The following CALN1 variants were observed in gnomAD, a reference collection of about 807,000 sequenced individuals.
CALN1 encodes the protein calneuron 1.
In CALN1, 17 loss-of-function variants were observed where a neutral mutation model predicts 30.6. That is an observed-to-expected ratio of 0.56 (90% CI 0.38 to 0.83). CALN1 has a LOEUF of 0.83. CALN1 is among the 40% of genes least tolerant of loss of function. The probability of loss-of-function intolerance (pLI) is 0.00; values close to 1 mark genes in which losing one functional copy is unlikely to be tolerated. For missense variants in CALN1, 291 were observed against 354.9 expected, an observed-to-expected ratio of 0.82 and a Z score of 1.45; for synonymous variants, 156 against 131.4, an observed-to-expected ratio of 1.19 and a Z score of -1.28.
At chr7:72,335,350 A>C (rs1227634977) in intron 2 of CALN1, among the ~76,000 whole-genome samples, 1 of 152,202 alleles carries the variant, frequency 6.6e-6, no homozygotes, top group Non-Finnish European at 1.5e-5. Context: ...TCATCAGTTA[A>C]AGAAGCAGAA....
chr7:72,217,353 T>C (rs996692725), intron 3 of CALN1, among the ~76,000 whole-genome samples: 1 of 152,130 alleles, frequency 6.6e-6, no homozygotes, highest in African/African-American at 2.4e-5. Flanking sequence ...CTGGGCATCT[T>C]GCCTCTTGGA....
At chr7:72,102,063 T>C (rs1806708552) in intron 4 of CALN1, among the ~76,000 whole-genome samples, 1 of 152,172 alleles carries the variant, frequency 6.6e-6, no homozygotes, top group Admixed American at 6.5e-5. Flanking sequence ...AGTTTCACTC[T>C]TTGTCACCCA....
At chr7:72,125,643 G>T (rs1477540146) in intron 3 of CALN1, among the ~76,000 whole-genome samples, 1 of 152,002 alleles carries the variant, frequency 6.6e-6, no homozygotes, top group Non-Finnish European at 1.5e-5. Context: ...GGGAACAGGT[G>T]GGTTTTGTTA....
the CALN1 span, among the ~76,000 whole-genome samples, chr7:72,467,835 G>A: frequency 1.3e-5 from 2 of 152,004 alleles, no homozygotes; most frequent in African/African-American, 2.4e-5. Flanking sequence ...ACATTGCATC[G>A]CCACAAAAGG....
At chr7:71,918,486 G>A (rs1794788717) in intron 5 of CALN1, among the ~76,000 whole-genome samples, 1 of 152,188 alleles carries the variant, frequency 6.6e-6, no homozygotes, top group Non-Finnish European at 1.5e-5. Flanking sequence ...TTTAGGAGGT[G>A]GGGTATGTAG....
intron 4 of CALN1, among the ~76,000 whole-genome samples, chr7:72,104,645 G>C (rs1009279302): frequency 6.6e-6 from 1 of 152,064 alleles, no homozygotes; most frequent in Non-Finnish European, 1.5e-5. Context: ...AAAAGCACAG[G>C]TATCTTGGAA....
rs145997789 is a variant in CALN1, at chr7:72,081,417, G to GTGTGTGTGTGTGTGTGTGTGTC, written c.388+24733_388+24734insGACACACACACACACACACACA. Among the ~76,000 whole-genome samples the GTGTGTGTGTGTGTGTGTGTGTC allele has an allele frequency of 3.4e-3, 503 of 146,242 alleles. 1 individual carries two copies. Among genetic ancestry groups the GTGTGTGTGTGTGTGTGTGTGTC allele is most frequent in the African/African-American group, 6.8e-3 (267 of 39,540 alleles). ...ATGCAAAATCATAGGGTGTGTGTGT[G>GTGTGTGTGTGTGTGTGTGTGTC]TGTGTGTTTGTTTTTGGTGTGTGTG... On this transcript the variant is annotated intron_variant, in intron 4 of 6. Transcript: ENST00000395275.
intron 4 of CALN1, among the ~76,000 whole-genome samples, chr7:72,042,155 G>C (rs1186588226): frequency 6.6e-6 from 1 of 152,116 alleles, no homozygotes; most frequent in Non-Finnish European, 1.5e-5. Flanking sequence ...TTATGCATTG[G>C]AGAAATTAAG....
chr7:72,260,106 C>A (rs1796165994), intron 3 of CALN1, among the ~76,000 whole-genome samples: 1 of 152,128 alleles, frequency 6.6e-6, no homozygotes, highest in Admixed American at 6.6e-5. Flanking sequence ...ATGGCACACA[C>A]CTGTAGTTCT....
chr7:72,449,874 CAAAAAAAAAAAAAAAAAA>C (rs71069071), upstream of CALN1, among the ~76,000 whole-genome samples: 1 of 52,320 alleles, frequency 1.9e-5, no homozygotes, highest in East Asian at 1.2e-3. Context: ...GACTCCGTCT[CAAAAAAAAAAAAAAAAAA>C]AAAAAAAAAA....
chr7:72,142,928 G>A (rs2129543589), intron 3 of CALN1, among the ~76,000 whole-genome samples: 1 of 152,244 alleles, frequency 6.6e-6, no homozygotes, highest in East Asian at 1.9e-4. Flanking sequence ...ACTCTCAGAA[G>A]GAAAACTAAC....
chr7:72,162,403 A>G (rs1788175683), intron 3 of CALN1, among the ~76,000 whole-genome samples: 1 of 152,100 alleles, frequency 6.6e-6, no homozygotes, highest in Non-Finnish European at 1.5e-5. Context: ...GCAGATAGAA[A>G]GTGAAGGGGA....
In CALN1 at chr7:72,305,749, A is replaced by C. The variant is rs779816805; in HGVS notation, c.120-26939T>G. Among the ~76,000 whole-genome samples the C allele has an allele frequency of 4.7e-4, 71 of 152,226 alleles. 1 individual carries two copies. The highest frequency in any genetic ancestry group is 8.2e-4 in the Non-Finnish European group (56 of 68,048). On this transcript the variant is annotated intron_variant, in intron 2 of 6. Coordinates refer to ENST00000395275, the MANE Select transcript of CALN1 (RefSeq NM_031468.4). Reference sequence around the variant, plus strand: ...CAAAAGACTACAGACCGGGTGGCTTAAACAACAGAAATTAATTTTCTTATA... The same window carrying C: ...CAAAAGACTACAGACCGGGTGGCTTCAACAACAGAAATTAATTTTCTTATA...
intron 2 of CALN1, among the ~76,000 whole-genome samples, chr7:72,316,773 T>C (rs551327649): frequency 1.4e-4 from 21 of 151,990 alleles, no homozygotes; most frequent in Non-Finnish European, 2.8e-4. Context: ...AGTGAGACCC[T>C]GTTTCTACAA....
At chr7:72,468,612 C>T in the CALN1 span, among the ~76,000 whole-genome samples, 1 of 152,208 alleles carries the variant, frequency 6.6e-6, no homozygotes, top group African/African-American at 2.4e-5. Context: ...CCCTGCCTGG[C>T]CTGTGTTCAA....
intron 5 of CALN1, among the ~76,000 whole-genome samples, chr7:71,987,248 A>G (rs528707327): frequency 3.3e-5 from 5 of 152,324 alleles, no homozygotes; most frequent in African/African-American, 1.2e-4. Context: ...AAACAAATAT[A>G]AAAGTTGTGC....
chr7:72,152,663 C>T (rs182736062), intron 3 of CALN1, among the ~76,000 whole-genome samples: 355 of 152,298 alleles, frequency 2.3e-3, no homozygotes, highest in Middle Eastern at 0.01. Context: ...CATTGCCCTC[C>T]AGGAAAATTC....
chr7:71,877,650 A>G (rs1219887708), intron 5 of CALN1, among the ~76,000 whole-genome samples: 3 of 151,930 alleles, frequency 2.0e-5, no homozygotes, highest in African/African-American at 7.3e-5. Context: ...AAAAAAAACG[A>G]TGGAGAAATA....
chr7:72,077,906 C>T lies in CALN1; in HGVS notation c.388+28245G>A, dbSNP rs77979862. ...GTCACTTACAGACTGTTGGAAACATCGAGGCTCCTCCTGCCCCCTGAAATT... is the reference window on the plus strand; with the variant it reads ...GTCACTTACAGACTGTTGGAAACATTGAGGCTCCTCCTGCCCCCTGAAATT... On this transcript the variant is annotated intron_variant, in intron 4 of 6. Coordinates refer to ENST00000395275, the MANE Select transcript of CALN1 (RefSeq NM_031468.4). Among the ~76,000 whole-genome samples, 46 of 152,262 alleles carry T rather than the reference C, an allele frequency of 3.0e-4. 2 individuals carry two copies. In the East Asian group the frequency reaches 7.6e-3, roughly 25 times the overall value.
Sources: gnomAD v4.1 joint callset for allele counts (sites outside exome capture counted in the v4.1 genomes callset) on GRCh38, gnomAD v4.1.1 for gene constraint, MANE v1.5 for transcripts, NCBI Gene and HGNC (gene_info 2026-07-23, HGNC 2026-07-21) for gene names.